Variants in ITGA2B observed in about 807,000 individuals in gnomAD.
The protein encoded by ITGA2B is integrin subunit alpha 2b.
A neutral mutation model predicts 142.0 loss-of-function variants in ITGA2B; 91 were observed. The ratio of observed to expected loss-of-function variants is 0.64; its 90% CI spans 0.54 to 0.76. ITGA2B has a LOEUF of 0.76. Ranked by LOEUF, ITGA2B falls within the 30% of genes least tolerant of loss-of-function variation. The probability of loss-of-function intolerance (pLI) is 0.00; values close to 1 mark genes in which losing one functional copy is unlikely to be tolerated. For synonymous variants in ITGA2B, 536 were observed against 567.2 expected (o/e 0.94, Z 0.78); for missense variants, 1,231 against 1,350.8 (o/e 0.91, Z 1.39).
At chr17:44,373,122 C>T (rs936138097) in intron 29 of ITGA2B, among the ~76,000 whole-genome samples, 6 of 151,516 alleles carry the variant, frequency 4.0e-5, no homozygotes, top group Non-Finnish European at 8.8e-5. Flanking sequence ...AGTGATCCAC[C>T]GCGCCTGGTC....
intron 10 of ITGA2B, 46 bp from the exon 11 acceptor site, chr17:44,383,992 C>T (rs748296862): frequency 6.2e-7 from 1 of 1,613,832 alleles, no homozygotes; most frequent in Non-Finnish European, 8.5e-7. Context: ...GACAAGCATC[C>T]TCTTTAAGAA....
Position 44,375,592 on chromosome 17 carries a change from A to C in ITGA2B, c.2726T>G (p.Val909Gly). 1 of 1,614,010 alleles carries C rather than the reference A, an allele frequency of 6.2e-7. No homozygotes were observed. The highest frequency in any genetic ancestry group is 8.5e-7 in the Non-Finnish European group (1 of 1,179,986). Reference protein sequence around the residue: ...QPSRLQDPVLVSCDSAPCTVV... With the variant: ...QPSRLQDPVLGSCDSAPCTVV... ...CCAGAGACCAGAGAGCCTGCTCACT[A>C]CGAGAACTGGATCCTGAAGCCTCGA... Residue 909 changes from valine (V) to glycine (G), a missense_variant and splice_region_variant, in exon 26 of 30, where the codon GTA becomes GGA. Around this residue, in one of 3 missense-constraint regions of ITGA2B, gnomAD observed 908 missense variants for 1,021.1 expected, o/e 0.89. Transcript: ENST00000262407.
intron 29 of ITGA2B, chr17:44,373,998 T>TTCAAAA: frequency 3.9e-6 from 1 of 257,672 alleles, no homozygotes; most frequent in South Asian, 4.3e-5. Context: ...CTCCGCCTCC[T>TTCAAAA]GGGTTCATGC....
At chr17:44,387,246 G>A (rs542781365) in intron 1 of ITGA2B, among the ~76,000 whole-genome samples, 1 of 152,206 alleles carries the variant, frequency 6.6e-6, no homozygotes, top group Non-Finnish European at 1.5e-5. Context: ...GAGTTGGCCG[G>A]GTGTGGTGGC....
intron 1 of ITGA2B, among the ~76,000 whole-genome samples, chr17:44,388,351 C>CTTT (rs35720866): frequency 1.0e-3 from 102 of 97,292 alleles, no homozygotes; most frequent in Non-Finnish European, 1.2e-3. Context: ...CATTTCCTTT[C>CTTT]TTTTTTTTTT....
intron 21 of ITGA2B, 145 bp from the exon 22 acceptor site, chr17:44,377,233 T>C (rs1316203796): frequency 7.1e-6 from 5 of 701,656 alleles, no homozygotes; most frequent in African/African-American, 7.1e-5. Context: ...TCTCACTCTG[T>C]CACCCAGGCT....
chr17:44,383,361 A>AC, intron 12 of ITGA2B, 132 bp downstream of exon 12: 1 of 816,470 alleles, frequency 1.2e-6, no homozygotes, highest in Non-Finnish European at 2.0e-6. Flanking sequence ...TCCACTCAGC[A>AC]CCCCATGTGT....
At position 44,374,404 on chromosome 17, in the gene ITGA2B, C is replaced by T. The variant is rs1219747646; in HGVS notation, c.3010G>A (p.Val1004Met). 37 of 1,614,016 alleles carry T rather than the reference C, an allele frequency of 2.3e-5. No individual in the cohort carries two copies. The highest frequency in any genetic ancestry group is 3.3e-5 in the Admixed American group (2 of 59,992). The change falls in exon 29 of 30, where the codon GTG becomes ATG. Residue 1004 changes from valine (V) to methionine (M), a missense_variant. Physicochemically the swap from Val to Met is conservative, Grantham distance 21. Around this residue, in one of 3 missense-constraint regions of ITGA2B, gnomAD observed 908 missense variants for 1,021.1 expected, o/e 0.89. Transcript: ENST00000262407. ...GTGAGCAGCAGCAGGCCACCCAGCA[C>T]ACCCACCAGCACCCACCAGATTGGA... The part of the protein sequence containing the change: ...AIPIWWVLVG[V>M]LGGLLLLTIL...
rs1183337838 is a variant in ITGA2B, at chr17:44,380,655, T to C, written c.1394-10A>G. On this transcript the variant is annotated splice_polypyrimidine_tract_variant and intron_variant, in intron 13 of 29. Coordinates refer to ENST00000262407, the MANE Select transcript of ITGA2B (RefSeq NM_000419.5). ...GCTCCCACGATCAGGTCTATAGACA[T>C]CGAGGAATGGGTCAGAATTGGCGAT... The C allele has an allele frequency of 6.2e-7, 1 of 1,614,166 alleles. No homozygotes were observed.
At chr17:44,384,801 G>C in intron 7 of ITGA2B, 147 bp downstream of exon 7, 1 of 1,388,124 alleles carries the variant, frequency 7.2e-7, no homozygotes, top group Non-Finnish European at 1.0e-6. Flanking sequence ...GGTCTGCGGG[G>C]AAGCCGCAGG....
At chr17:44,375,527 C>G (rs760027016) in intron 26 of ITGA2B, 64 bp downstream of exon 26, 5 of 1,590,674 alleles carry the variant, frequency 3.1e-6, no homozygotes, top group Non-Finnish European at 3.4e-6. Flanking sequence ...CCTCTCCCTC[C>G]TCCCATCCCC....
At position 44,384,073 on chromosome 17, in the gene ITGA2B, C is replaced by T. The variant is rs770867868; in HGVS notation, c.945+12G>A. ...CTCCACCCAGCCACGCCCACTGGGACCTGGCCCCCACCTGCTCTCCGCGCA... is the reference window on the plus strand; with the variant it reads ...CTCCACCCAGCCACGCCCACTGGGATCTGGCCCCCACCTGCTCTCCGCGCA... On this transcript the variant is annotated intron_variant, in intron 10 of 29. Coordinates refer to ENST00000262407, the MANE Select transcript of ITGA2B (RefSeq NM_000419.5). 4 of 1,613,696 alleles carry T rather than the reference C, an allele frequency of 2.5e-6. No homozygotes were observed. In the Admixed American group the frequency reaches 5.0e-5, roughly 20 times the overall value.
At position 44,376,394 on chromosome 17, in the gene ITGA2B, G is replaced by A. The variant is rs752360716; in HGVS notation, c.2268-6C>T. ...TTGGATTCTGGCTGTTCTTGCTAGA[G>A]GGGAGGGGATGAGGAGAAACAGGGC... On this transcript the variant is annotated splice_polypyrimidine_tract_variant and splice_region_variant and intron_variant, in intron 22 of 29. Transcript: ENST00000262407. 1.2e-6 allele frequency: 2 copies of A among 1,614,140 alleles called. No individual in the cohort carries two copies. Among genetic ancestry groups the A allele is most frequent in the Admixed American group, 1.7e-5 (1 of 60,026 alleles).
intron 29 of ITGA2B, among the ~76,000 whole-genome samples, chr17:44,373,263 G>T: frequency 6.6e-6 from 1 of 152,016 alleles, no homozygotes; most frequent in East Asian, 1.9e-4. Flanking sequence ...TCAGCCTCCC[G>T]AGTAGCTGGA....
At position 44,379,746 on chromosome 17, in the gene ITGA2B, C is replaced by T. The variant is rs139878415; in HGVS notation, c.1821G>A (p.Thr607=). The change falls in exon 18 of 30, where the codon ACG becomes ACA. Residue 607 remains threonine (T), a synonymous_variant. Coordinates refer to ENST00000262407, the MANE Select transcript of ITGA2B (RefSeq NM_000419.5). The stretch of plus-strand genomic sequence containing the variant: ...CGACAGCAGGGGCCATTCCAGCCTC[C>T]GTGGGCGGTAGGGACACATTGAGGC... The part of the protein sequence containing the change: ...VLSLNVSLPP[T]EAGMAPAVVL... 2.9e-4 allele frequency: 475 copies of T among 1,613,966 alleles called. No homozygotes were observed. Among genetic ancestry groups the T allele is most frequent in the Non-Finnish European group, 3.6e-4 (427 of 1,180,024 alleles).
chr17:44,384,335 G>A lies in ITGA2B; in HGVS notation c.867C>T (p.Pro289=), dbSNP rs1047920032. 5 of 1,613,524 alleles carry A rather than the reference G, an allele frequency of 3.1e-6. No homozygotes were observed. The highest frequency in any genetic ancestry group is 1.1e-5 in the South Asian group (1 of 91,082). Residue 289 remains proline, a synonymous_variant, in exon 9 of 30, where the codon CCC becomes CCT. Coordinates refer to ENST00000262407, the MANE Select transcript of ITGA2B (RefSeq NM_000419.5). The part of the protein sequence containing the change: ...LNTTEYVVGA[P]TWSWTLGAVE... ...CCGCTCCCAGGGTCCAGCTCCAAGT[G>A]GGGGCACCGACGACATATTCTGGCG...
chr17:44,386,227 TG>T (rs2048648733), intron 1 of ITGA2B, 96 bp from the exon 2 acceptor site: 1 of 1,517,284 alleles, frequency 6.6e-7, no homozygotes, highest in Non-Finnish European at 8.8e-7. Flanking sequence ...CCATGTGGCA[TG>T]GGGGCACTGG....
In ITGA2B at chr17:44,385,091, A is replaced by G. The variant is rs200877591; in HGVS notation, c.671-15T>C. ...GGCCAGGAGACCTAGGGCGGGAGGG[A>G]CAGCGGGTGTGAAGCCCAAAGCGGT... On this transcript the variant is annotated splice_polypyrimidine_tract_variant and intron_variant, in intron 6 of 29. Coordinates refer to ENST00000262407, the MANE Select transcript of ITGA2B (RefSeq NM_000419.5). The G allele has an allele frequency of 9.4e-5, 151 of 1,613,972 alleles. No individual in the cohort carries two copies. The highest frequency in any genetic ancestry group is 1.2e-4 in the Non-Finnish European group (146 of 1,180,032).
chr17:44,374,971 G>GCCCCCC, intron 27 of ITGA2B, 27 bp downstream of exon 27: 1 of 1,489,362 alleles, frequency 6.7e-7, no homozygotes, highest in Non-Finnish European at 9.1e-7. Flanking sequence ...AGAAGGCCCG[G>GCCCCCC]CCCCGCCCCA....
Sources: gnomAD v4.1 joint callset for allele counts (sites outside exome capture counted in the v4.1 genomes callset) on GRCh38, gnomAD v4.1.1 for gene constraint, gnomAD v4.1.1 regional missense constraint, MANE v1.5 for transcripts, NCBI Gene and HGNC (gene_info 2026-07-23, HGNC 2026-07-21) for gene names.